Variants in EXOC4 observed in about 807,000 individuals in gnomAD.
EXOC4 encodes the protein SEC8-like 1.
A neutral mutation model predicts 107.2 loss-of-function variants in EXOC4; 71 were observed. That is an observed-to-expected ratio of 0.66 (90% CI 0.55 to 0.81). The LOEUF (loss-of-function observed/expected upper bound fraction) is 0.81. Ranked by LOEUF, EXOC4 falls within the 30% of genes least tolerant of loss-of-function variation. The pLI is 0.00. For missense variants in EXOC4, 1,108 were observed against 1,189.6 expected, an observed-to-expected ratio of 0.93 and a Z score of 1.01; for synonymous variants, 456 against 441.2, an observed-to-expected ratio of 1.03 and a Z score of -0.42.
intron 10 of EXOC4, among the ~76,000 whole-genome samples, chr7:133,729,367 C>T (rs1393204457): frequency 1.3e-5 from 2 of 152,056 alleles, no homozygotes; most frequent in Non-Finnish European, 2.9e-5. Context: ...ATTGTTAAAG[C>T]AATGCTATTT....
At chr7:133,803,943 A>G (rs1797009124) in intron 10 of EXOC4, among the ~76,000 whole-genome samples, 1 of 152,146 alleles carries the variant, frequency 6.6e-6, no homozygotes. Flanking sequence ...GATGGCTTAA[A>G]ATATTTAGTT....
chr7:133,809,691 G>A (rs577424597), intron 10 of EXOC4, among the ~76,000 whole-genome samples: 10 of 152,250 alleles, frequency 6.6e-5, no homozygotes, highest in African/African-American at 1.2e-4. Flanking sequence ...TAATGTGTAC[G>A]TTATTCATCC....
chr7:133,923,931 A>G (rs1799995160), intron 13 of EXOC4, among the ~76,000 whole-genome samples: 1 of 151,682 alleles, frequency 6.6e-6, no homozygotes, highest in Non-Finnish European at 1.5e-5. Context: ...TATTTCCTCT[A>G]CCTGTTCTCT....
At chr7:133,988,472 T>C (rs1437106511) in intron 14 of EXOC4, among the ~76,000 whole-genome samples, 1 of 152,236 alleles carries the variant, frequency 6.6e-6, no homozygotes, top group African/African-American at 2.4e-5. Context: ...GTAATGCCTC[T>C]AGTTATTCTG....
chr7:133,915,857 A>C (rs921741674), intron 12 of EXOC4, among the ~76,000 whole-genome samples: 6 of 152,224 alleles, frequency 3.9e-5, no homozygotes, highest in Non-Finnish European at 8.8e-5. Context: ...TACTATGAGA[A>C]AACATTTGCT....
chr7:133,726,611 A>T (rs370271300), intron 10 of EXOC4, among the ~76,000 whole-genome samples: 2 of 152,334 alleles, frequency 1.3e-5, no homozygotes, highest in East Asian at 1.9e-4. Context: ...TACTCATTCT[A>T]TGCAAATTCC....
At chr7:133,489,205 A>G (rs1799326336) in intron 9 of EXOC4, among the ~76,000 whole-genome samples, 1 of 152,086 alleles carries the variant, frequency 6.6e-6, no homozygotes, top group Non-Finnish European at 1.5e-5. Flanking sequence ...GGTTGTAACC[A>G]AAGAGAGGAT....
At chr7:133,887,212 A>G (rs570132929) in intron 11 of EXOC4, among the ~76,000 whole-genome samples, 31 of 152,338 alleles carry the variant, frequency 2.0e-4, no homozygotes, top group Non-Finnish European at 3.7e-4. Context: ...AAGCTCTGCA[A>G]TAAATACAAA....
the EXOC4 span, among the ~76,000 whole-genome samples, chr7:134,072,327 GA>G: frequency 3.3e-5 from 5 of 152,036 alleles, no homozygotes; most frequent in South Asian, 2.1e-4. Flanking sequence ...AGTTATACAT[GA>G]AAAAAAATGA....
At chr7:134,018,600 T>C (rs2116408701) in intron 17 of EXOC4, among the ~76,000 whole-genome samples, 1 of 152,302 alleles carries the variant, frequency 6.6e-6, no homozygotes, top group East Asian at 1.9e-4. Context: ...CTGGCCCATA[T>C]CACTTGCTCT....
intron 9 of EXOC4, among the ~76,000 whole-genome samples, chr7:133,604,819 A>T (rs1288828617): frequency 5.2e-5 from 7 of 133,974 alleles, no homozygotes; most frequent in African/African-American, 1.9e-4. Flanking sequence ...CACCTCCCGG[A>T]TTTAAGTGTT....
intron 9 of EXOC4, among the ~76,000 whole-genome samples, chr7:133,545,023 T>C (rs1289277802): frequency 6.6e-6 from 1 of 152,122 alleles, no homozygotes; most frequent in Non-Finnish European, 1.5e-5. Context: ...TATGTGTGTA[T>C]GTATTTATGT....
chr7:133,853,688 T>A (rs1259865665), intron 11 of EXOC4, among the ~76,000 whole-genome samples: 1 of 152,164 alleles, frequency 6.6e-6, no homozygotes, highest in Non-Finnish European at 1.5e-5. Flanking sequence ...TGGGGAGACG[T>A]CCTGCTTCAG....
chr7:133,430,667 A>G (rs977242919), intron 7 of EXOC4, among the ~76,000 whole-genome samples: 6 of 152,204 alleles, frequency 3.9e-5, no homozygotes, highest in African/African-American at 1.4e-4. Context: ...CTTTGTGTTT[A>G]ACTTTTTGAG....
intron 10 of EXOC4, among the ~76,000 whole-genome samples, chr7:133,682,826 G>T (rs898169063): frequency 6.6e-6 from 1 of 152,164 alleles, no homozygotes; most frequent in East Asian, 1.9e-4. Context: ...CTCAAATGCC[G>T]CACCTGCTCG....
chr7:133,514,579 T>C (rs1799837845), intron 9 of EXOC4, among the ~76,000 whole-genome samples: 1 of 152,212 alleles, frequency 6.6e-6, no homozygotes, highest in Non-Finnish European at 1.5e-5. Context: ...TTGAGCAGCA[T>C]TAGATAACCC....
At chr7:133,371,199 T>C (rs921695558) in intron 6 of EXOC4, among the ~76,000 whole-genome samples, 3 of 152,116 alleles carry the variant, frequency 2.0e-5, no homozygotes, top group Non-Finnish European at 4.4e-5. Flanking sequence ...GGATCTTCAC[T>C]CTCCCCACTC....
At chr7:133,699,525 G>A (rs1010299737) in intron 10 of EXOC4, among the ~76,000 whole-genome samples, 1 of 152,158 alleles carries the variant, frequency 6.6e-6, no homozygotes, top group Non-Finnish European at 1.5e-5. Context: ...GTTCGTTAGT[G>A]GAACAGGCAG....
intron 10 of EXOC4, among the ~76,000 whole-genome samples, chr7:133,721,580 A>C (rs1795105618): frequency 6.6e-6 from 1 of 152,212 alleles, no homozygotes; most frequent in African/African-American, 2.4e-5. Flanking sequence ...TGACACAGTA[A>C]GTTTTTGAAT....
Sources: gnomAD v4.1 joint callset for allele counts (sites outside exome capture counted in the v4.1 genomes callset) on GRCh38, gnomAD v4.1.1 for gene constraint, MANE v1.5 for transcripts, NCBI Gene and HGNC (gene_info 2026-07-23, HGNC 2026-07-21) for gene names.